The following ADAM10 variants were observed in gnomAD, a reference collection of about 807,000 sequenced individuals.
ADAM10 encodes ADAM metallopeptidase domain 10, also known as disintegrin and metalloproteinase domain-containing protein 10.
In ADAM10, 17 loss-of-function variants were observed where a neutral mutation model predicts 90.1. That is an observed-to-expected ratio of 0.19 (90% CI 0.13 to 0.28). The LOEUF is 0.28. Ranked by LOEUF, ADAM10 falls within the 10% of genes least tolerant of loss-of-function variation. The pLI is 1.00. For synonymous variants in ADAM10, 310 were observed against 298.6 expected (o/e 1.04, Z -0.40); for missense variants, 610 against 914.3 (o/e 0.67, Z 4.29).
At chr15:58,676,754 C>T (rs766989490) in intron 4 of ADAM10, among the ~76,000 whole-genome samples, 18 of 152,014 alleles carry the variant, frequency 1.2e-4, no homozygotes, top group Non-Finnish European at 2.5e-4. Flanking sequence ...GAGGTTGAGG[C>T]TGTAGTGAGG....
At chr15:58,639,869 T>TA (rs1381169547) in intron 8 of ADAM10, among the ~76,000 whole-genome samples, 5 of 151,414 alleles carry the variant, frequency 3.3e-5, no homozygotes, top group African/African-American at 1.2e-4. Flanking sequence ...AAGCTTCTCT[T>TA]ACTCTGGATA....
chr15:58,614,634 C>G (rs190662645), intron 11 of ADAM10, among the ~76,000 whole-genome samples: 1 of 152,036 alleles, frequency 6.6e-6, no homozygotes, highest in African/African-American at 2.4e-5. Flanking sequence ...AGAGTCTATA[C>G]CCAGCAAAAC....
rs12439189 is a variant in ADAM10, at chr15:58,610,570, A to C, written c.1805-53T>G. On this transcript the variant is annotated intron_variant, in intron 13 of 15. Transcript: ENST00000260408. ...GAAGGTCAGATTCAAATATAAGTTG[A>C]AGATCAGATTTCCAGTTGTGCAAAT... 0.23 allele frequency: 348,183 copies of C among 1,547,390 alleles called. 41,596 individuals carry two copies. Among genetic ancestry groups the C allele is most frequent in the East Asian group, 0.52 (22,889 of 44,288 alleles).
chr15:58,638,217 T>G (rs7174175), intron 8 of ADAM10, among the ~76,000 whole-genome samples: 28,400 of 151,510 alleles, frequency 0.19, 2,988 homozygotes, highest in East Asian at 0.4. Context: ...GAAAGAGAGA[T>G]AATAATATAA....
chr15:58,682,081 C>A, intron 3 of ADAM10, 115 bp downstream of exon 3: 1 of 1,449,548 alleles, frequency 6.9e-7, no homozygotes, highest in Admixed American at 2.0e-5. Context: ...CATATGAATT[C>A]AACCTCCTCT....
chr15:58,668,077 G>A (rs1897117425), intron 4 of ADAM10, among the ~76,000 whole-genome samples: 1 of 152,146 alleles, frequency 6.6e-6, no homozygotes, highest in Non-Finnish European at 1.5e-5. Flanking sequence ...GTTTTAGAAA[G>A]AAAGGGTTAC....
At chr15:58,733,049 C>A (rs1899309191) in intron 1 of ADAM10, 1 of 152,266 alleles carries the variant, frequency 6.6e-6, no homozygotes, top group Non-Finnish European at 1.5e-5. Context: ...CAGAGAAAGG[C>A]CTTATAAATG....
chr15:58,603,866 G>A (rs1418250940), intron 14 of ADAM10, among the ~76,000 whole-genome samples: 1 of 143,412 alleles, frequency 7.0e-6, no homozygotes, highest in Admixed American at 6.9e-5. Context: ...AAAGATTGGG[G>A]GTCCAGGGTT....
At chr15:58,599,790 C>T (rs1373240517) in intron 14 of ADAM10, 66 bp from the exon 15 acceptor site, 2 of 1,512,068 alleles carry the variant, frequency 1.3e-6, no homozygotes, top group East Asian at 2.3e-5. Context: ...GTATCTTTTA[C>T]AGTATATAAA....
chr15:58,652,432 G>A (rs1262483850), intron 5 of ADAM10, among the ~76,000 whole-genome samples: 1 of 152,186 alleles, frequency 6.6e-6, no homozygotes, highest in Non-Finnish European at 1.5e-5. Context: ...GTGAGAAATA[G>A]AGGTCTAGTT....
intron 1 of ADAM10, among the ~76,000 whole-genome samples, chr15:58,719,319 C>T (rs1047754814): frequency 2.0e-5 from 3 of 149,388 alleles, no homozygotes; most frequent in African/African-American, 5.1e-5. Flanking sequence ...AGTGAAATTC[C>T]GTCTCAAAGA....
intron 5 of ADAM10, among the ~76,000 whole-genome samples, chr15:58,662,084 T>G (rs1896981766): frequency 6.6e-6 from 1 of 152,220 alleles, no homozygotes; most frequent in South Asian, 2.1e-4. Flanking sequence ...TGAATCACGT[T>G]TTTCAGTTTC....
At chr15:58,670,315 G>T (rs549050935) in intron 4 of ADAM10, among the ~76,000 whole-genome samples, 1 of 152,144 alleles carries the variant, frequency 6.6e-6, no homozygotes, top group African/African-American at 2.4e-5. Flanking sequence ...GTATAAATCT[G>T]TGTAACCTTT....
intron 1 of ADAM10, among the ~76,000 whole-genome samples, chr15:58,727,925 C>G (rs6494038): frequency 2.0e-5 from 3 of 151,930 alleles, no homozygotes; most frequent in African/African-American, 7.3e-5. Flanking sequence ...CAGAAAAAAG[C>G]AGACTCTGTA....
rs1187555686 is a variant in ADAM10 at position 58,590,528 on chromosome 15, C to CAAGGAGGAGGA, written c.*7008_*7018dup. 3.9e-5 allele frequency: 6 copies of CAAGGAGGAGGA among 152,126 alleles called. No individual in the cohort carries two copies. Among genetic ancestry groups the CAAGGAGGAGGA allele is most frequent in the Non-Finnish European group, 8.8e-5 (6 of 68,028 alleles). 9.4% of individuals were successfully genotyped at this position (152,126 alleles called of 1,614,324 possible). On this transcript the variant is annotated 3_prime_UTR_variant, in exon 16 of 16. Transcript: ENST00000260408. ...ATTTCAAACATGCTCTGATATGTTT[C>CAAGGAGGAGGA]AAGGAGGAGGAAAGGAGGAGAAAGA...
intron 1 of ADAM10, among the ~76,000 whole-genome samples, chr15:58,726,566 CCAAAAAAAA>C (rs1368143220): frequency 3.1e-4 from 3 of 9,816 alleles, no homozygotes; most frequent in East Asian, 3.7e-3. Context: ...CCTCAGTCTC[CCAAAAAAAA>C]AAAAAAAAAA....
intron 10 of ADAM10, among the ~76,000 whole-genome samples, chr15:58,624,431 A>G (rs1435121743): frequency 6.6e-5 from 10 of 152,268 alleles, no homozygotes; most frequent in African/African-American, 2.4e-4. Flanking sequence ...ACGAAGTCAG[A>G]AAATGTTACA....
intron 2 of ADAM10, chr15:58,686,636 T>C (rs1897611646): frequency 4.9e-6 from 4 of 813,058 alleles, no homozygotes; most frequent in African/African-American, 3.3e-5. Flanking sequence ...AGAGAGAAGT[T>C]TGCTGAGGAA....
chr15:58,674,689 C>T (rs1193060099), intron 4 of ADAM10, among the ~76,000 whole-genome samples: 1 of 152,156 alleles, frequency 6.6e-6, no homozygotes, highest in East Asian at 1.9e-4. Flanking sequence ...GTTTTAGATG[C>T]AACATCCTGA....
Sources: allele counts gnomAD v4.1 joint callset (sites outside exome capture counted in the v4.1 genomes callset), GRCh38; gene constraint gnomAD v4.1.1; transcripts MANE v1.5; gene names NCBI Gene and HGNC (gene_info 2026-07-23, HGNC 2026-07-21).